The following DNAJC24 variants were observed in gnomAD, a reference collection of about 807,000 sequenced individuals.
DNAJC24 encodes dnaJ homolog subfamily C member 24.
DNAJC24 carries 17 observed loss-of-function variants against 18.0 expected under a neutral mutation model. The ratio of observed to expected loss-of-function variants is 0.94; its 90% CI spans 0.65 to 1.42. DNAJC24 has a LOEUF of 1.42. DNAJC24 is among the 40% of genes most tolerant of loss of function. The probability of loss-of-function intolerance (pLI) is 0.00; values close to 1 mark genes in which losing one functional copy is unlikely to be tolerated. For missense variants in DNAJC24, 158 were observed against 175.6 expected, an observed-to-expected ratio of 0.90 and a Z score of 0.57; for synonymous variants, 55 against 57.7, an observed-to-expected ratio of 0.95 and a Z score of 0.21.
intron 4 of DNAJC24, among the ~76,000 whole-genome samples, chr11:31,428,537 A>T (rs1952887496): frequency 6.6e-6 from 1 of 152,182 alleles, no homozygotes; most frequent in Admixed American, 6.6e-5. Context: ...TCATTTGCAG[A>T]ATAGCTATGG....
chr11:31,422,810 T>C (rs1272825540), intron 3 of DNAJC24, among the ~76,000 whole-genome samples: 2 of 152,082 alleles, frequency 1.3e-5, no homozygotes, highest in Non-Finnish European at 2.9e-5. Flanking sequence ...AAAAAACACA[T>C]TGATTTGTTT....
intron 2 of DNAJC24, among the ~76,000 whole-genome samples, chr11:31,376,075 A>T (rs1952311282): frequency 8.1e-6 from 1 of 123,830 alleles, no homozygotes; most frequent in African/African-American, 2.6e-5. Context: ...GGGTTCCCCC[A>T]TATTGTTCTC....
chr11:31,405,980 G>A (rs1265940666), intron 2 of DNAJC24, among the ~76,000 whole-genome samples: 7 of 152,318 alleles, frequency 4.6e-5, no homozygotes, highest in African/African-American at 9.6e-5. Context: ...CATGAGGGCA[G>A]AGCAGTCATG....
chr11:31,412,103 G>A (rs1348253783), intron 2 of DNAJC24, among the ~76,000 whole-genome samples: 2 of 152,044 alleles, frequency 1.3e-5, no homozygotes, highest in Non-Finnish European at 2.9e-5. Context: ...GAAAGAGATT[G>A]AATTGTACTT....
chr11:31,397,872 A>G (rs1387040044), intron 2 of DNAJC24, among the ~76,000 whole-genome samples: 1 of 148,412 alleles, frequency 6.7e-6, no homozygotes, highest in African/African-American at 2.5e-5. Context: ...GTGCGATCTC[A>G]GCTCACTGCA....
chr11:31,374,035 C>T, intron 2 of DNAJC24: 1 of 330,556 alleles, frequency 3.0e-6, no homozygotes. Flanking sequence ...ATGTCATTTG[C>T]AGATAACGAG....
intron 2 of DNAJC24, among the ~76,000 whole-genome samples, chr11:31,398,708 G>A (rs1952569005): frequency 6.6e-6 from 1 of 152,120 alleles, no homozygotes; most frequent in South Asian, 2.1e-4. Context: ...GAATGATCAA[G>A]ATCAATTAAT....
intron 3 of DNAJC24, chr11:31,422,117 A>T (rs1952811890): frequency 4.8e-6 from 1 of 209,066 alleles, no homozygotes; most frequent in Non-Finnish European, 1.0e-5. Context: ...CTAAAGGTTG[A>T]AAGATTCTTT....
intron 3 of DNAJC24, among the ~76,000 whole-genome samples, chr11:31,423,302 C>T (rs1396143221): frequency 6.6e-6 from 1 of 152,120 alleles, no homozygotes; most frequent in Non-Finnish European, 1.5e-5. Context: ...GCTCTGTCAC[C>T]CAGGCTGGAG....
chr11:31,413,505 G>A (rs1441181144), intron 2 of DNAJC24, among the ~76,000 whole-genome samples: 7 of 151,574 alleles, frequency 4.6e-5, no homozygotes, highest in Non-Finnish European at 1.0e-4. Context: ...CAATATTTTT[G>A]TACTTTTTAG....
rs1952901780 is a variant in DNAJC24 at position 31,429,730 on chromosome 11, TG to T, written c.320-539del. On this transcript the variant is annotated intron_variant, in intron 4 of 4. Coordinates refer to ENST00000465995, the MANE Select transcript of DNAJC24 (RefSeq NM_181706.5). ...AGGATTTAAAAAAACAACAACAACA[TG>T]GTGTTGTGTTTATAGACTTAAGTCA... is the stretch of plus-strand genomic sequence containing the variant. The T allele has an allele frequency of 1.7e-5, 3 of 173,190 alleles. No individual in the cohort carries two copies. In the South Asian group the frequency reaches 3.7e-4, roughly 22 times the overall value. 10.7% of individuals were successfully genotyped at this position (173,190 alleles called of 1,614,324 possible).
Position 31,432,079 on chromosome 11 carries a change from A to C in DNAJC24, c.*1678A>C, listed in dbSNP as rs1315275291. On this transcript the variant is annotated 3_prime_UTR_variant, in exon 5 of 5. Transcript: ENST00000465995. ...TTAATTTCAAATGAGTGGGCTGAGC[A>C]TGTAGACTAGCAGCTTTTTATCAAA... is the stretch of plus-strand genomic sequence containing the variant. Among the ~76,000 whole-genome samples, 5 of 152,196 alleles carry C rather than the reference A, an allele frequency of 3.3e-5. 1 individual carries two copies. The highest frequency in any genetic ancestry group is 1.2e-4 in the African/African-American group (5 of 41,452).
chr11:31,430,055 A>G (rs887799446), intron 4 of DNAJC24, among the ~76,000 whole-genome samples: 13 of 152,154 alleles, frequency 8.5e-5, no homozygotes, highest in African/African-American at 2.9e-4. Flanking sequence ...CATAGCTTCA[A>G]CCCATCTCCT....
Position 31,371,009 on chromosome 11 carries a change from G to T in DNAJC24, c.111+150G>T, listed in dbSNP as rs1591894111. On this transcript the variant is annotated intron_variant, in intron 2 of 4. Coordinates refer to ENST00000465995, the MANE Select transcript of DNAJC24 (RefSeq NM_181706.5). The stretch of plus-strand genomic sequence containing the variant: ...AATTGAACATTTCAGTAATATTGCA[G>T]AAAAACTTGATTTGAGGTGGAAAAG... The T allele has an allele frequency of 8.7e-6, 5 of 575,540 alleles. No individual in the cohort carries two copies. In the East Asian group the frequency reaches 1.5e-4, roughly 17 times the overall value. The allele number at this position is 575,540 out of a possible 1,614,324, so 35.7% of individuals were successfully genotyped here. A position where few individuals can be genotyped will look rare whatever the true frequency, so the allele number is the denominator to read the frequency against.
chr11:31,404,596 C>G (rs1244369921), intron 2 of DNAJC24, among the ~76,000 whole-genome samples: 6 of 152,058 alleles, frequency 3.9e-5, no homozygotes, highest in Non-Finnish European at 1.5e-5. Context: ...CTCAAATTGA[C>G]CTTTACAATT....
chr11:31,432,385 T>G lies in DNAJC24; in HGVS notation c.*1984T>G. The stretch of plus-strand genomic sequence containing the variant: ...TTGAATATTCTTTACATTTAACAAT[T>G]AAAAACAACTAAAACTGAATAGCAA... On this transcript the variant is annotated 3_prime_UTR_variant, in exon 5 of 5. Coordinates refer to ENST00000465995, the MANE Select transcript of DNAJC24 (RefSeq NM_181706.5). The G allele has an allele frequency of 1.5e-6, 1 of 673,700 alleles. No individual in the cohort carries two copies. Among genetic ancestry groups the G allele is most frequent in the Non-Finnish European group, 2.5e-6 (1 of 396,230 alleles). 41.7% of individuals were successfully genotyped at this position (673,700 alleles called of 1,614,324 possible). A position where few individuals can be genotyped will look rare whatever the true frequency, so the allele number is the denominator to read the frequency against.
intron 2 of DNAJC24, chr11:31,374,004 G>T: frequency 3.7e-6 from 1 of 269,842 alleles, no homozygotes. Flanking sequence ...CAATTTCTTA[G>T]AATTTTCTGC....
intron 2 of DNAJC24, among the ~76,000 whole-genome samples, chr11:31,380,696 T>C (rs1952367785): frequency 6.6e-6 from 1 of 152,224 alleles, no homozygotes; most frequent in South Asian, 2.1e-4. Flanking sequence ...TGCAATAAAG[T>C]GTACCTATTT....
chr11:31,426,345 T>G lies in DNAJC24; in HGVS notation c.309T>G (p.Ser103=). Residue 103 remains serine (S), a synonymous_variant, in exon 4 of 5, where the codon TCT becomes TCG. Transcript: ENST00000465995. The part of the protein sequence containing the change: ...VDAQVYLEEM[S]WNEGDHSFYL... ...CTCAAGTATATCTTGAAGAAATGTC[T>G]TGGAATGAAGGTTGGATTTTTTTTT... The G allele has an allele frequency of 6.4e-7, 1 of 1,550,838 alleles. No homozygotes were observed. Among genetic ancestry groups the G allele is most frequent in the Non-Finnish European group, 8.7e-7 (1 of 1,152,452 alleles).
Sources: gnomAD v4.1 joint callset for allele counts (sites outside exome capture counted in the v4.1 genomes callset) on GRCh38, gnomAD v4.1.1 for gene constraint, MANE v1.5 for transcripts, NCBI Gene and HGNC (gene_info 2026-07-23, HGNC 2026-07-21) for gene names.